The following SLC4A4 variants were observed in gnomAD, a reference collection of about 807,000 sequenced individuals.
The protein encoded by SLC4A4 is solute carrier family 4 member 4.
In SLC4A4, 27 loss-of-function variants were observed where a neutral mutation model predicts 111.5. That is an observed-to-expected ratio of 0.24 (90% CI 0.18 to 0.33). The LOEUF is 0.33. Ranked by LOEUF, SLC4A4 falls within the 10% of genes least tolerant of loss-of-function variation. SLC4A4 has a pLI of 1.00. For synonymous variants in SLC4A4, 443 were observed against 463.4 expected (o/e 0.96, Z 0.57); for missense variants, 909 against 1,315.5 (o/e 0.69, Z 4.78).
chr4:71,065,781 A>G lies in SLC4A4; in HGVS notation c.-65+2993A>G, dbSNP rs527401542. 2.0e-5 allele frequency among the ~76,000 whole-genome samples: 3 copies of G among 152,284 alleles called. No homozygotes were observed. The South Asian group carries it at 6.2e-4, about 32-fold the overall frequency. ...TCAATGTCACTTTCTCTGAGGTACC[A>G]TCCTAAGTCTGGATGAAGTGTCTCT... On this transcript the variant is annotated intron_variant, in intron 1 of 26. Transcript: ENST00000649996.
At chr4:71,365,829 G>A (rs953616501) in intron 6 of SLC4A4, among the ~76,000 whole-genome samples, 2 of 152,166 alleles carry the variant, frequency 1.3e-5, no homozygotes, top group African/African-American at 4.8e-5. Flanking sequence ...TATCATTTCA[G>A]ATGAAAAACC....
chr4:71,426,057 T>G (rs1723097918), intron 7 of SLC4A4, among the ~76,000 whole-genome samples: 1 of 152,092 alleles, frequency 6.6e-6, no homozygotes, highest in South Asian at 2.1e-4. Flanking sequence ...AATACTTCAG[T>G]TTCTTTCAGG....
Position 71,531,865 on chromosome 4 carries a change from T to C in SLC4A4, c.2167-197T>C, listed in dbSNP as rs147268713. ...AACCTGTTCTTTGGGATACATTACA[T>C]TATCTAGCCAGGTGATGTACTAATA... On this transcript the variant is annotated intron_variant, in intron 16 of 25. Coordinates refer to ENST00000264485, the MANE Select transcript of SLC4A4 (RefSeq NM_001098484.3). Among the ~76,000 whole-genome samples the C allele has an allele frequency of 4.6e-3, 690 of 151,078 alleles. 4 individuals carry two copies. Among genetic ancestry groups the C allele is most frequent in the African/African-American group, 0.015 (631 of 41,114 alleles).
chr4:71,168,945 T>C (rs1252807210), intron 2 of SLC4A4, among the ~76,000 whole-genome samples: 1 of 152,214 alleles, frequency 6.6e-6, no homozygotes, highest in Admixed American at 6.5e-5. Flanking sequence ...GATATATTGA[T>C]TTCCTTTTTT....
chr4:71,365,212 T>C (rs1420494819), intron 6 of SLC4A4, among the ~76,000 whole-genome samples: 1 of 152,238 alleles, frequency 6.6e-6, no homozygotes, highest in East Asian at 1.9e-4. Context: ...TTTGCGTTTA[T>C]GCTACCACAT....
At chr4:71,331,801 T>G (rs1728020074) in intron 3 of SLC4A4, among the ~76,000 whole-genome samples, 1 of 152,126 alleles carries the variant, frequency 6.6e-6, no homozygotes, top group Admixed American at 6.5e-5. Flanking sequence ...TGTGAAACCA[T>G]TGGTCCCAGG....
At chr4:71,136,785 T>C (rs1315261262) in intron 2 of SLC4A4, among the ~76,000 whole-genome samples, 1 of 152,210 alleles carries the variant, frequency 6.6e-6, no homozygotes. Flanking sequence ...GGCATCCCTC[T>C]ATAATCCCTG....
At chr4:71,137,902 A>G (rs1743889848) in intron 2 of SLC4A4, among the ~76,000 whole-genome samples, 1 of 152,212 alleles carries the variant, frequency 6.6e-6, no homozygotes, top group Non-Finnish European at 1.5e-5. Flanking sequence ...AACAAACCCA[A>G]TACTGTACTT....
intron 16 of SLC4A4, among the ~76,000 whole-genome samples, chr4:71,521,825 CT>C (rs1228147431): frequency 6.6e-6 from 1 of 152,118 alleles, no homozygotes; most frequent in African/African-American, 2.4e-5. Context: ...CCAGGTTTTT[CT>C]TTATCAAATT....
intron 3 of SLC4A4, among the ~76,000 whole-genome samples, chr4:71,328,827 G>A (rs1015239224): frequency 1.3e-5 from 2 of 151,960 alleles, no homozygotes; most frequent in Non-Finnish European, 2.9e-5. Flanking sequence ...AACTTGATGT[G>A]ATCCTATTTC....
chr4:71,457,294 C>T (rs1191858487), intron 12 of SLC4A4, among the ~76,000 whole-genome samples: 8 of 152,124 alleles, frequency 5.3e-5, no homozygotes, highest in Non-Finnish European at 1.2e-4. Context: ...ACTCTAAGTA[C>T]AATCATACAG....
At chr4:71,220,741 G>A (rs983838249) in intron 1 of SLC4A4, among the ~76,000 whole-genome samples, 7 of 151,612 alleles carry the variant, frequency 4.6e-5, no homozygotes, top group Non-Finnish European at 8.8e-5. Context: ...TTAGGTTTTG[G>A]GGGTACATGT....
At chr4:71,169,528 GC>G (rs1744880525) in intron 2 of SLC4A4, among the ~76,000 whole-genome samples, 1 of 152,002 alleles carries the variant, frequency 6.6e-6, no homozygotes, top group Admixed American at 6.5e-5. Flanking sequence ...TAGATCTTTT[GC>G]CCATTTTTAA....
intron 24 of SLC4A4, among the ~76,000 whole-genome samples, chr4:71,564,872 G>C (rs1453455): frequency 0.91 from 138,318 of 151,898 alleles, 64,094 homozygotes; most frequent in Non-Finnish European, 0.99. Flanking sequence ...CAGCTTAAAA[G>C]AACAAACATG....
At chr4:71,509,815 G>T (rs1284269766) in intron 16 of SLC4A4, among the ~76,000 whole-genome samples, 3 of 152,136 alleles carry the variant, frequency 2.0e-5, no homozygotes, top group Non-Finnish European at 4.4e-5. Flanking sequence ...TTGAGCAATG[G>T]GTTCTTAGTT....
intron 1 of SLC4A4, among the ~76,000 whole-genome samples, chr4:71,219,326 C>T (rs992809107): frequency 6.6e-6 from 1 of 152,210 alleles, no homozygotes; most frequent in Non-Finnish European, 1.5e-5. Context: ...GCTAAATCTC[C>T]TCTGCCTATG....
rs1473428737 is a variant in SLC4A4 at position 71,435,307 on chromosome 4, G to A, written c.808-5309G>A. 2.0e-5 allele frequency among the ~76,000 whole-genome samples: 3 copies of A among 152,294 alleles called. No homozygotes were observed. The East Asian group carries it at 5.8e-4, about 29-fold the overall frequency. ...AAACCAGACAAAAACAAGCAATGGG[G>A]AAAGGATTTCCTATTTAATAAATGG... On this transcript the variant is annotated intron_variant, in intron 7 of 25. Transcript: ENST00000264485.
chr4:71,348,345 A>G (rs1320197397), intron 4 of SLC4A4, among the ~76,000 whole-genome samples: 2 of 149,408 alleles, frequency 1.3e-5, no homozygotes, highest in African/African-American at 5.1e-5. Flanking sequence ...ACACACACAC[A>G]CACACACACT....
chr4:71,428,533 A>T (rs1723352691), intron 7 of SLC4A4, among the ~76,000 whole-genome samples: 1 of 152,020 alleles, frequency 6.6e-6, no homozygotes, highest in South Asian at 2.1e-4. Flanking sequence ...AGGTCGTGGA[A>T]TTGGGTGACG....
Sources: allele counts gnomAD v4.1 joint callset (sites outside exome capture counted in the v4.1 genomes callset), GRCh38; gene constraint gnomAD v4.1.1; transcripts MANE v1.5; gene names NCBI Gene and HGNC (gene_info 2026-07-23, HGNC 2026-07-21).